The following DYRK1A variants were observed in gnomAD, a reference collection of about 807,000 sequenced individuals.
The protein encoded by DYRK1A is dual specificity tyrosine-phosphorylation-regulated kinase 1A.
A neutral mutation model predicts 79.7 loss-of-function variants in DYRK1A; 9 were observed. The ratio of observed to expected loss-of-function variants is 0.11; its 90% CI spans 0.07 to 0.20. The LOEUF (loss-of-function observed/expected upper bound fraction) is 0.20. Among genes scored for constraint, DYRK1A ranks in the 10% least tolerant of loss-of-function variants. The pLI, the probability that DYRK1A is intolerant of heterozygous loss-of-function variation, is 1.00. For missense variants in DYRK1A, 622 were observed against 956.0 expected, an observed-to-expected ratio of 0.65 and a Z score of 4.61; for synonymous variants, 349 against 329.7, an observed-to-expected ratio of 1.06 and a Z score of -0.63.
intron 2 of DYRK1A, among the ~76,000 whole-genome samples, chr21:37,472,046 T>C (rs2835761): frequency 0.88 from 134,479 of 152,242 alleles, 59,650 homozygotes; most frequent in East Asian, 1. Context: ...TAATTATTGG[T>C]TATTTTTTCT....
At chr21:37,499,392 A>C (rs2053371270) in intron 9 of DYRK1A, among the ~76,000 whole-genome samples, 1 of 152,118 alleles carries the variant, frequency 6.6e-6, no homozygotes, top group African/African-American at 2.4e-5. Flanking sequence ...CCCTGTTGAT[A>C]TGTTTTCTAT....
At chr21:37,426,935 A>G (rs2050641647) in intron 2 of DYRK1A, among the ~76,000 whole-genome samples, 1 of 143,702 alleles carries the variant, frequency 7.0e-6, no homozygotes, top group Admixed American at 6.8e-5. Flanking sequence ...AAAAAAAAAA[A>G]GAGATGAATA....
chr21:37,484,411 C>T (rs527975888), intron 5 of DYRK1A, among the ~76,000 whole-genome samples: 2 of 151,776 alleles, frequency 1.3e-5, no homozygotes, highest in African/African-American at 2.4e-5. Flanking sequence ...TCATTGCACC[C>T]TCCGCCTTCT....
intron 1 of DYRK1A, among the ~76,000 whole-genome samples, chr21:37,417,529 C>CTTTTTTTTTTTTTTTTTTT (rs3216074): frequency 2.5e-4 from 11 of 44,034 alleles, no homozygotes; most frequent in East Asian, 1.3e-3. Context: ...TTTTCTTTTT[C>CTTTTTTTTTTTTTTTTTTT]TTTTTTTTTT....
chr21:37,497,412 A>G (rs1184964663), intron 9 of DYRK1A, among the ~76,000 whole-genome samples: 1 of 152,208 alleles, frequency 6.6e-6, no homozygotes, highest in Non-Finnish European at 1.5e-5. Flanking sequence ...GGAAAATGCC[A>G]TCGAGACCTC....
intron 11 of DYRK1A, among the ~76,000 whole-genome samples, chr21:37,508,985 C>T (rs916201252): frequency 3.9e-5 from 6 of 152,160 alleles, no homozygotes; most frequent in Non-Finnish European, 8.8e-5. Context: ...TAAGACACCG[C>T]GTTCTTCCCA....
At chr21:37,450,195 G>A (rs2051401449) in intron 2 of DYRK1A, among the ~76,000 whole-genome samples, 1 of 152,176 alleles carries the variant, frequency 6.6e-6, no homozygotes. Context: ...CACTAGCAAA[G>A]CCCTGGTTAC....
chr21:37,472,936 A>G (rs1232671941), intron 3 of DYRK1A, 56 bp downstream of exon 3: 7 of 1,326,448 alleles, frequency 5.3e-6, no homozygotes, highest in Non-Finnish European at 7.0e-6. Context: ...TTCCTTAAAA[A>G]TGTTGGAATA....
chr21:37,457,013 TTTACTTACTTAC>T (rs149046084), intron 2 of DYRK1A, among the ~76,000 whole-genome samples: 5,373 of 141,128 alleles, frequency 0.038, 122 homozygotes, highest in Middle Eastern at 0.06. Context: ...AAAAAGAAAA[TTTACTTACTTAC>T]TTACTTACTT....
At chr21:37,411,975 T>G (rs897410682) in intron 1 of DYRK1A, among the ~76,000 whole-genome samples, 1 of 152,226 alleles carries the variant, frequency 6.6e-6, no homozygotes, top group Non-Finnish European at 1.5e-5. Flanking sequence ...TTATTGAACA[T>G]GTACTGCGAT....
intron 1 of DYRK1A, chr21:37,375,124 A>ATG (rs1435880967): frequency 6.6e-6 from 1 of 152,172 alleles, no homozygotes; most frequent in African/African-American, 2.4e-5. Context: ...TAAAGTAAGT[A>ATG]TGTGGCTTTT....
intron 2 of DYRK1A, among the ~76,000 whole-genome samples, chr21:37,456,722 C>T (rs1382436596): frequency 2.0e-5 from 3 of 152,270 alleles, no homozygotes; most frequent in South Asian, 2.1e-4. Context: ...CCACCTCAGC[C>T]ACCATGCTTA....
At chr21:37,472,918 G>A (rs765519226) in intron 3 of DYRK1A, 38 bp downstream of exon 3, 9 of 1,398,148 alleles carry the variant, frequency 6.4e-6, no homozygotes, top group Non-Finnish European at 8.6e-6. Context: ...TATTGGAATG[G>A]CAGTTTATTC....
intron 1 of DYRK1A, among the ~76,000 whole-genome samples, chr21:37,388,654 A>T (rs529711135): frequency 2.6e-3 from 361 of 140,688 alleles, no homozygotes; most frequent in Admixed American, 3.9e-3. Context: ...TTTTTTCTCC[A>T]TTTTTTTTTT....
chr21:37,380,956 A>G (rs765378539), intron 1 of DYRK1A, among the ~76,000 whole-genome samples: 11 of 152,162 alleles, frequency 7.2e-5, no homozygotes, highest in Non-Finnish European at 1.3e-4. Flanking sequence ...TATCCCTTCT[A>G]TGCGCTCTTC....
chr21:37,406,934 T>C (rs967561813), intron 1 of DYRK1A, among the ~76,000 whole-genome samples: 2 of 141,554 alleles, frequency 1.4e-5, no homozygotes, highest in Admixed American at 7.1e-5. Flanking sequence ...TAAAATTCTT[T>C]TGATTTTTTT....
chr21:37,454,481 A>T (rs1278746273), intron 2 of DYRK1A, among the ~76,000 whole-genome samples: 3 of 152,198 alleles, frequency 2.0e-5, no homozygotes, highest in Non-Finnish European at 4.4e-5. Context: ...ATGCTTATGG[A>T]GGTCACTTGA....
At chr21:37,497,063 C>G (rs2053292200) in intron 9 of DYRK1A, among the ~76,000 whole-genome samples, 1 of 152,092 alleles carries the variant, frequency 6.6e-6, no homozygotes, top group Admixed American at 6.5e-5. Context: ...CATGTACATA[C>G]AGAAGTCACC....
intron 1 of DYRK1A, among the ~76,000 whole-genome samples, chr21:37,369,290 A>T (rs1255841771): frequency 1.3e-5 from 2 of 152,202 alleles, no homozygotes; most frequent in Non-Finnish European, 2.9e-5. Context: ...ACTTTAGGAT[A>T]ATATTGTTTT....
Sources: gnomAD v4.1 joint callset for allele counts (sites outside exome capture counted in the v4.1 genomes callset) on GRCh38, gnomAD v4.1.1 for gene constraint, MANE v1.5 for transcripts, NCBI Gene and HGNC (gene_info 2026-07-23, HGNC 2026-07-21) for gene names.